The following UBE3A variants were observed in gnomAD, a reference collection of about 807,000 sequenced individuals.
UBE3A encodes the protein ubiquitin-protein ligase E3A.
In UBE3A, 6 loss-of-function variants were observed where a neutral mutation model predicts 83.4. The observed-to-expected ratio is 0.07, with a 90% CI of 0.04 to 0.14. UBE3A has a LOEUF of 0.14. Among genes scored for constraint, UBE3A ranks in the 10% least tolerant of loss-of-function variants. The pLI is 1.00. For missense variants in UBE3A, 456 were observed against 1,036.1 expected (o/e 0.44, Z 7.69); for synonymous variants, 337 against 355.4 (o/e 0.95, Z 0.58).
chr15:25,385,396 A>G (rs956048192), intron 4 of UBE3A, among the ~76,000 whole-genome samples: 1 of 152,204 alleles, frequency 6.6e-6, no homozygotes, highest in African/African-American at 2.4e-5. Flanking sequence ...CTGCAATGAT[A>G]CATCATCTGA....
intron 3 of UBE3A, among the ~76,000 whole-genome samples, chr15:25,406,688 TCACA>T (rs60819760): frequency 0.77 from 114,025 of 148,512 alleles, 45,533 homozygotes; most frequent in Non-Finnish European, 0.89. Flanking sequence ...TTAAAATCAG[TCACA>T]CACACACACA....
rs1596292726 is a variant in UBE3A, at chr15:25,409,150, A to C, written c.-43T>G. On this transcript the variant is annotated 5_prime_UTR_variant, in exon 3 of 13. Coordinates refer to ENST00000648336, the MANE Select transcript of UBE3A (RefSeq NM_130839.5). Reference sequence around the variant, plus strand: ...ATCACAGCTTTGAGTCACTGATTAAAAACAGGTTGTCACACCAGTCTAGCT... The same window carrying C: ...ATCACAGCTTTGAGTCACTGATTAACAACAGGTTGTCACACCAGTCTAGCT... 1.3e-6 allele frequency: 2 copies of C among 1,589,150 alleles called. No individual in the cohort carries two copies. The highest frequency in any genetic ancestry group is 1.7e-6 in the Non-Finnish European group (2 of 1,165,946).
chr15:25,345,077 G>A (rs1284152725), intron 11 of UBE3A, among the ~76,000 whole-genome samples: 1 of 151,992 alleles, frequency 6.6e-6, no homozygotes, highest in Non-Finnish European at 1.5e-5. Context: ...GCATATAATT[G>A]GACAGAAACA....
chr15:25,365,166 T>C (rs759713081), intron 6 of UBE3A, among the ~76,000 whole-genome samples: 8 of 152,070 alleles, frequency 5.3e-5, no homozygotes, highest in Non-Finnish European at 8.8e-5. Context: ...GCCATGATGA[T>C]GAAATCCTAG....
chr15:25,434,282 TA>T (rs200261683), intron 1 of UBE3A, among the ~76,000 whole-genome samples: 11 of 151,732 alleles, frequency 7.2e-5, no homozygotes, highest in South Asian at 2.1e-4. Context: ...GTCATTTGAT[TA>T]AAAAAAAGGA....
rs532907593 is a variant in UBE3A, at chr15:25,431,563, G to A, written c.-165+6926C>T. Among the ~76,000 whole-genome samples the A allele has an allele frequency of 9.9e-5, 15 of 152,080 alleles. 1 individual carries two copies. Among genetic ancestry groups the A allele is most frequent in the African/African-American group, 1.4e-4 (6 of 41,494 alleles). On this transcript the variant is annotated intron_variant, in intron 1 of 12. Coordinates refer to ENST00000648336, the MANE Select transcript of UBE3A (RefSeq NM_130839.5). ...TCACCATGTTGGCCAGGCTGGTCTC[G>A]AACTCCTGACCTCAGGTGATCCGTG... is the stretch of plus-strand genomic sequence containing the variant.
intron 11 of UBE3A, among the ~76,000 whole-genome samples, chr15:25,351,537 T>G (rs913207357): frequency 2.0e-5 from 3 of 152,204 alleles, no homozygotes; most frequent in Non-Finnish European, 1.5e-5. Context: ...TGGCACGATC[T>G]AGGCTCACTG....
At chr15:25,351,722 C>T (rs539844406) in intron 11 of UBE3A, among the ~76,000 whole-genome samples, 2 of 152,166 alleles carry the variant, frequency 1.3e-5, no homozygotes, top group African/African-American at 2.4e-5. Context: ...CTGCCCGCCT[C>T]GGGCGTTTTT....
At chr15:25,418,198 T>C (rs144836008) in intron 1 of UBE3A, 465 of 152,302 alleles carry the variant, frequency 3.1e-3, no homozygotes, top group Non-Finnish European at 4.8e-3. Context: ...TTGTCAACTA[T>C]GATCTCGTTG....
At chr15:25,408,448 G>A in intron 3 of UBE3A, 3 of 896,270 alleles carry the variant, frequency 3.3e-6, no homozygotes, top group Non-Finnish European at 5.3e-6. Flanking sequence ...AGAATAACAA[G>A]TCAGAAATTT....
chr15:25,412,746 AGAGGTT>A (rs2090219759), intron 1 of UBE3A, among the ~76,000 whole-genome samples: 2 of 150,124 alleles, frequency 1.3e-5, no homozygotes, highest in Admixed American at 1.3e-4. Flanking sequence ...CCAGTGTCCT[AGAGGTT>A]GATGGTAGAA....
At chr15:25,426,293 C>T (rs1891287265) in intron 1 of UBE3A, among the ~76,000 whole-genome samples, 1 of 152,158 alleles carries the variant, frequency 6.6e-6, no homozygotes, top group African/African-American at 2.4e-5. Flanking sequence ...TACTGGTCAA[C>T]AATTCTACAA....
chr15:25,335,639 GAAAC>G lies in UBE3A; in HGVS notation c.*3494_*3497del, dbSNP rs1364832395. 7 of 152,148 alleles carry G rather than the reference GAAAC, an allele frequency of 4.6e-5. No individual in the cohort carries two copies. Among genetic ancestry groups the G allele is most frequent in the Admixed American group, 2.0e-4 (3 of 15,266 alleles). The allele number at this position is 152,148 out of a possible 1,614,324, so 9.4% of individuals were successfully genotyped here. A position where few individuals can be genotyped will look rare whatever the true frequency, so the allele number is the denominator to read the frequency against. On this transcript the variant is annotated 3_prime_UTR_variant, in exon 13 of 13. Transcript: ENST00000648336. ...GGGTGAAGGTTACATTTCTTAAAAA[GAAAC>G]AAAGAATGGTCGGTCGATAGAGATG...
intron 5 of UBE3A, 52 bp downstream of exon 5, chr15:25,375,413 C>T (rs2081049521): frequency 6.3e-7 from 1 of 1,586,876 alleles, no homozygotes; most frequent in Non-Finnish European, 8.6e-7. Context: ...ACATTTAAAT[C>T]TCCCACATGG....
intron 1 of UBE3A, among the ~76,000 whole-genome samples, chr15:25,414,635 G>A (rs1409632503): frequency 6.6e-6 from 1 of 152,178 alleles, no homozygotes; most frequent in Non-Finnish European, 1.5e-5. Flanking sequence ...TATCAGTCCA[G>A]CTGCTCAAAT....
At chr15:25,399,902 C>T (rs2153015675) in intron 4 of UBE3A, among the ~76,000 whole-genome samples, 1 of 152,202 alleles carries the variant, frequency 6.6e-6, no homozygotes, top group South Asian at 2.1e-4. Context: ...GACTATCATG[C>T]TGTTATAATT....
At chr15:25,339,917 T>C in intron 12 of UBE3A, 168 bp downstream of exon 12, 1 of 890,014 alleles carries the variant, frequency 1.1e-6, no homozygotes, top group African/African-American at 1.7e-5. Context: ...TCTTAAAAGT[T>C]TCCTCACACA....
chr15:25,354,128 A>G, intron 11 of UBE3A: 1 of 586,734 alleles, frequency 1.7e-6, no homozygotes, highest in East Asian at 2.9e-5. Flanking sequence ...CGCCAAATGC[A>G]GGAGATTACA....
chr15:25,382,326 A>T (rs1796875035), intron 4 of UBE3A, among the ~76,000 whole-genome samples: 1 of 152,062 alleles, frequency 6.6e-6, no homozygotes, highest in African/African-American at 2.4e-5. Flanking sequence ...GTCTCAAAAA[A>T]AAAAAAGAAA....
Sources: gnomAD v4.1 joint callset for allele counts (sites outside exome capture counted in the v4.1 genomes callset) on GRCh38, gnomAD v4.1.1 for gene constraint, MANE v1.5 for transcripts, NCBI Gene and HGNC (gene_info 2026-07-23, HGNC 2026-07-21) for gene names.